CCDC66: variants seen among roughly 807,000 people sequenced by gnomAD.
The protein encoded by CCDC66 is coiled-coil domain-containing protein 66.
A neutral mutation model predicts 128.3 loss-of-function variants in CCDC66; 133 were observed. The observed-to-expected ratio is 1.04, with a 90% CI of 0.90 to 1.20. The LOEUF is 1.20. Ranked by LOEUF, CCDC66 falls within the 50% of genes most tolerant of loss-of-function variation. The probability of loss-of-function intolerance (pLI) is 0.00; values close to 1 mark genes in which losing one functional copy is unlikely to be tolerated. For missense variants in CCDC66, 1,126 were observed against 1,075.5 expected, an observed-to-expected ratio of 1.05 and a Z score of -0.66; for synonymous variants, 387 against 357.0, an observed-to-expected ratio of 1.08 and a Z score of -0.95.
chr3:56,569,128 A>C (rs1002160759), intron 6 of CCDC66, among the ~76,000 whole-genome samples: 9 of 152,204 alleles, frequency 5.9e-5, no homozygotes, highest in African/African-American at 2.2e-4. Context: ...GCTTGAGGCC[A>C]GGGGTTCAAC....
At chr3:56,575,754 A>G (rs531348856) in intron 7 of CCDC66, among the ~76,000 whole-genome samples, 1 of 151,894 alleles carries the variant, frequency 6.6e-6, no homozygotes, top group African/African-American at 2.4e-5. Context: ...TAAGTTTTCT[A>G]TATGGTATAA....
chr3:56,599,600 A>T (rs2072780906), intron 10 of CCDC66, among the ~76,000 whole-genome samples: 1 of 151,504 alleles, frequency 6.6e-6, no homozygotes, highest in East Asian at 1.9e-4. Context: ...TTAAATTTTC[A>T]TTTTTTTCAA....
chr3:56,603,382 T>A (rs1439979590), intron 10 of CCDC66, among the ~76,000 whole-genome samples: 1 of 152,042 alleles, frequency 6.6e-6, no homozygotes, highest in Non-Finnish European at 1.5e-5. Context: ...GATGTTAGGG[T>A]GTCAATTTTA....
intron 10 of CCDC66, among the ~76,000 whole-genome samples, chr3:56,612,020 T>G (rs985390162): frequency 6.6e-6 from 1 of 152,244 alleles, no homozygotes. Flanking sequence ...GATCTATAGC[T>G]AAAATTCACA....
At chr3:56,574,137 G>A (rs1577367805) in intron 7 of CCDC66, among the ~76,000 whole-genome samples, 1 of 151,724 alleles carries the variant, frequency 6.6e-6, no homozygotes, top group Admixed American at 6.6e-5. Context: ...GCCGAGGTGG[G>A]CGGATCACGA....
chr3:56,619,910 T>G lies in CCDC66; in HGVS notation c.2760+9T>G. ...TTTCAGAACTGAGACAGGTATGAGC[T>G]TTTTCAAGTGTAGATATGTCTGTTC... On this transcript the variant is annotated intron_variant, in intron 17 of 17. Transcript: ENST00000394672. 6.2e-7 allele frequency: 1 copy of G among 1,612,360 alleles called. No individual in the cohort carries two copies. The highest frequency in any genetic ancestry group is 1.7e-4 in the Middle Eastern group (1 of 6,058).
intron 7 of CCDC66, chr3:56,572,287 G>T: frequency 9.2e-7 from 1 of 1,091,304 alleles, no homozygotes; most frequent in Non-Finnish European, 1.2e-6. Flanking sequence ...TTAATTTTGG[G>T]TAAAGAAACA....
At chr3:56,565,972 T>C (rs1380180471) in intron 4 of CCDC66, among the ~76,000 whole-genome samples, 2 of 152,210 alleles carry the variant, frequency 1.3e-5, no homozygotes, top group Admixed American at 6.5e-5. Flanking sequence ...GGCCAGTTTT[T>C]ATTTTTAAAA....
chr3:56,621,343 A>ATCTT (rs144299610), intron 17 of CCDC66, 189 bp from the exon 18 acceptor site: 14,576 of 400,912 alleles, frequency 0.036, 335 homozygotes, highest in South Asian at 0.058. Context: ...TAAAAACAGA[A>ATCTT]TCTTACAAAT....
chr3:56,618,448 GACTTA>G (rs1225364724), intron 15 of CCDC66: 1 of 442,422 alleles, frequency 2.3e-6, no homozygotes, highest in Admixed American at 3.9e-5. Context: ...TTTATCTCTA[GACTTA>G]ACTAAGTGAT....
intron 4 of CCDC66, among the ~76,000 whole-genome samples, chr3:56,565,372 C>T (rs1162882502): frequency 5.3e-5 from 8 of 151,422 alleles, no homozygotes; most frequent in Middle Eastern, 3.4e-3. Flanking sequence ...CTCCCGGGTT[C>T]ACACCATTCT....
rs768137011 is a variant in CCDC66, at chr3:56,615,202, AC to A, written c.1642del (p.Gln548LysfsTer18). On this transcript the variant is annotated frameshift_variant, in exon 12 of 18. Transcript: ENST00000394672. LOFTEE classifies it high-confidence loss of function. Reference sequence around the variant, plus strand: ...CACAGGAACTGGCACAGAGACTAAAACAAGAACAAAGAATCCGAGAATTGGC... The same window carrying A: ...CACAGGAACTGGCACAGAGACTAAAAAAGAACAAAGAATCCGAGAATTGGC... ...RAQELAQRLK[Q>X]EQRIRELAQK... 2 of 1,614,090 alleles carry A rather than the reference AC, an allele frequency of 1.2e-6. No homozygotes were observed. The highest frequency in any genetic ancestry group is 1.7e-6 in the Non-Finnish European group (2 of 1,180,030).
intron 10 of CCDC66, among the ~76,000 whole-genome samples, chr3:56,612,914 G>T (rs2075039911): frequency 6.6e-6 from 1 of 152,178 alleles, no homozygotes. Flanking sequence ...GTAGGCAGGG[G>T]TGGGATGATT....
rs946563449 is a variant in CCDC66 at position 56,604,262 on chromosome 3, T to C, written c.1405-9327T>C. Among the ~76,000 whole-genome samples the C allele has an allele frequency of 5.3e-5, 8 of 152,194 alleles. No homozygotes were observed. In the East Asian group the frequency reaches 1.5e-3, roughly 29 times the overall value. On this transcript the variant is annotated intron_variant, in intron 10 of 17. Coordinates refer to ENST00000394672, the MANE Select transcript of CCDC66 (RefSeq NM_001141947.3). ...CAGTCTGTGTCTTTTAATTGGGACA[T>C]TTAGCCCATTTACATTTAAGGTTTA... is the stretch of plus-strand genomic sequence containing the variant.
rs375903817 is a variant in CCDC66, at chr3:56,617,624, A to G, written c.2337+19A>G. 23 of 1,574,940 alleles carry G rather than the reference A, an allele frequency of 1.5e-5. No homozygotes were observed. In the African/African-American group the frequency reaches 2.9e-4, roughly 20 times the overall value. On this transcript the variant is annotated intron_variant, in intron 14 of 17. Coordinates refer to ENST00000394672, the MANE Select transcript of CCDC66 (RefSeq NM_001141947.3). ...CAAAAAGGTAAAGCTCTTCCATCTT[A>G]GATGATGTGTTGACGTTTCTGGATT...
At chr3:56,594,174 A>G in intron 10 of CCDC66, 146 bp downstream of exon 10, 3 of 705,762 alleles carry the variant, frequency 4.3e-6, no homozygotes, top group Non-Finnish European at 7.4e-6. Flanking sequence ...TCCCTACCAC[A>G]ACTGGCATTG....
At chr3:56,581,047 G>A (rs962035526) in intron 7 of CCDC66, among the ~76,000 whole-genome samples, 4 of 150,286 alleles carry the variant, frequency 2.7e-5, no homozygotes, top group Non-Finnish European at 4.5e-5. Context: ...TCAGGTACAC[G>A]AGATGTAGAT....
At chr3:56,596,003 C>G (rs1577717066) in intron 10 of CCDC66, among the ~76,000 whole-genome samples, 1 of 152,214 alleles carries the variant, frequency 6.6e-6, no homozygotes, top group South Asian at 2.1e-4. Flanking sequence ...TAGCCTCATA[C>G]CCCTGGGCTC....
intron 4 of CCDC66, among the ~76,000 whole-genome samples, chr3:56,564,384 C>T (rs529688378): frequency 6.6e-6 from 1 of 152,070 alleles, no homozygotes; most frequent in East Asian, 1.9e-4. Flanking sequence ...GTACAAAAAA[C>T]TATTATTATA....
Sources: gnomAD v4.1 joint callset for allele counts (sites outside exome capture counted in the v4.1 genomes callset) on GRCh38, gnomAD v4.1.1 for gene constraint, MANE v1.5 for transcripts, NCBI Gene and HGNC (gene_info 2026-07-23, HGNC 2026-07-21) for gene names.